The following MSRA variants were observed in gnomAD, a reference collection of about 807,000 sequenced individuals.
The protein encoded by MSRA is methionine sulfoxide reductase A, also known as mitochondrial peptide methionine sulfoxide reductase.
In MSRA, 54 loss-of-function variants were observed where a neutral mutation model predicts 31.3. That is an observed-to-expected ratio of 1.73 (90% confidence interval 1.39 to 2.17). The LOEUF is 2.17. Among genes scored for constraint, MSRA ranks in the 30% most tolerant of loss-of-function variants. The pLI is 0.00. For missense variants in MSRA, 507 were observed against 300.9 expected (o/e 1.69, Z -5.07); for synonymous variants, 169 against 116.5 (o/e 1.45, Z -2.90).
intron 5 of MSRA, among the ~76,000 whole-genome samples, chr8:10,335,655 C>T (rs1802994949): frequency 6.6e-6 from 1 of 152,182 alleles, no homozygotes; most frequent in Admixed American, 6.5e-5. Context: ...CTCTCTTCGG[C>T]TGGCGACTTG....
chr8:10,291,755 G>A (rs754217597), intron 3 of MSRA, among the ~76,000 whole-genome samples: 1 of 152,038 alleles, frequency 6.6e-6, no homozygotes, highest in Non-Finnish European at 1.5e-5. Context: ...TGGCTGGCAG[G>A]GAAAGGATGA....
intron 3 of MSRA, among the ~76,000 whole-genome samples, chr8:10,283,198 A>G (rs1186815254): frequency 8.6e-6 from 1 of 116,286 alleles, no homozygotes; most frequent in Admixed American, 8.6e-5. Context: ...GGTTTGTTGC[A>G]GAAGTTACCA....
At chr8:10,287,213 T>TA (rs1799983600) in intron 3 of MSRA, among the ~76,000 whole-genome samples, 1 of 152,218 alleles carries the variant, frequency 6.6e-6, no homozygotes, top group Non-Finnish European at 1.5e-5. Flanking sequence ...ATTTAGTAGT[T>TA]ACCATTAGCT....
chr8:10,287,245 C>A (rs1799985685), intron 3 of MSRA, among the ~76,000 whole-genome samples: 1 of 152,124 alleles, frequency 6.6e-6, no homozygotes, highest in Non-Finnish European at 1.5e-5. Flanking sequence ...GGGGAGAAAG[C>A]ATGAAATTAT....
At chr8:10,425,956 C>T (rs78325426) in intron 5 of MSRA, among the ~76,000 whole-genome samples, 4,265 of 152,326 alleles carry the variant, frequency 0.028, 124 homozygotes, top group Middle Eastern at 0.1. Context: ...CTTCTCCAAA[C>T]TCTCTGGTGC....
rs143358110 is a variant in MSRA at position 10,292,193 on chromosome 8, A to G, written c.332-9341A>G. Among the ~76,000 whole-genome samples the G allele has an allele frequency of 3.3e-3, 509 of 152,332 alleles. 1 individual carries two copies. The highest frequency in any genetic ancestry group is 0.014 in the Middle Eastern group (4 of 294). Reference sequence around the variant, plus strand: ...GGTTGGAGTCCAGTGTGCATGTGGGATTCCATCTAGGGACTGGTCATTGGC... The same window carrying G: ...GGTTGGAGTCCAGTGTGCATGTGGGGTTCCATCTAGGGACTGGTCATTGGC... On this transcript the variant is annotated intron_variant, in intron 3 of 5. Transcript: ENST00000317173.
At chr8:10,412,632 G>A (rs1386117125) in intron 5 of MSRA, among the ~76,000 whole-genome samples, 1 of 152,110 alleles carries the variant, frequency 6.6e-6, no homozygotes, top group African/African-American at 2.4e-5. Flanking sequence ...AAATGGACAC[G>A]AGATTAGAAC....
intron 5 of MSRA, among the ~76,000 whole-genome samples, chr8:10,417,021 C>G (rs1169139958): frequency 6.6e-6 from 1 of 152,214 alleles, no homozygotes; most frequent in Non-Finnish European, 1.5e-5. Flanking sequence ...AGCTGTGTGA[C>G]AAACCTGCAG....
chr8:10,285,422 A>G (rs1210698803), intron 3 of MSRA, among the ~76,000 whole-genome samples: 1 of 152,218 alleles, frequency 6.6e-6, no homozygotes, highest in African/African-American at 2.4e-5. Context: ...ATACATGTAT[A>G]CAATGTGTAA....
chr8:10,180,041 C>T (rs954037703), intron 1 of MSRA, among the ~76,000 whole-genome samples: 1 of 152,176 alleles, frequency 6.6e-6, no homozygotes, highest in South Asian at 2.1e-4. Context: ...CTGGCATTAA[C>T]GACCTGGAAT....
intron 4 of MSRA, among the ~76,000 whole-genome samples, chr8:10,304,990 A>C (rs947231986): frequency 1.3e-5 from 2 of 152,250 alleles, no homozygotes; most frequent in Non-Finnish European, 2.9e-5. Context: ...TAGAAGTTGA[A>C]AAGTCATTGA....
At chr8:10,212,363 G>T (rs1022411280) in intron 2 of MSRA, among the ~76,000 whole-genome samples, 1 of 152,102 alleles carries the variant, frequency 6.6e-6, no homozygotes, top group African/African-American at 2.4e-5. Context: ...TAACGAGGTT[G>T]TATATTATAA....
chr8:10,245,077 CTTT>C (rs745827849), intron 2 of MSRA, 24 bp from the exon 3 acceptor site: 1 of 1,586,592 alleles, frequency 6.3e-7, no homozygotes, highest in Admixed American at 1.7e-5. Flanking sequence ...AATCAGTATC[CTTT>C]TTTTTTCTTT....
At chr8:10,347,118 G>A (rs4840479) in intron 5 of MSRA, among the ~76,000 whole-genome samples, 28,403 of 152,100 alleles carry the variant, frequency 0.19, 3,576 homozygotes, top group Non-Finnish European at 0.28. Context: ...AGTCATTACT[G>A]GTTCGTTTTC....
At chr8:10,256,102 A>G (rs1388674103) in intron 3 of MSRA, among the ~76,000 whole-genome samples, 1 of 152,070 alleles carries the variant, frequency 6.6e-6, no homozygotes, top group African/African-American at 2.4e-5. Flanking sequence ...TCACTGCCCT[A>G]AAATTCTCTG....
intron 5 of MSRA, among the ~76,000 whole-genome samples, chr8:10,338,338 A>G (rs1803191893): frequency 6.6e-6 from 1 of 152,210 alleles, no homozygotes; most frequent in Non-Finnish European, 1.5e-5. Flanking sequence ...GCCAGAGGCC[A>G]GGGTGGAGTG....
intron 1 of MSRA, among the ~76,000 whole-genome samples, chr8:10,181,340 C>G (rs1806518124): frequency 6.6e-6 from 1 of 151,700 alleles, no homozygotes; most frequent in African/African-American, 2.4e-5. Flanking sequence ...CCAGCAAGTG[C>G]AAACACCCTG....
Position 10,301,644 on chromosome 8 carries a change from GTGA to G in MSRA, c.436+10_436+12del. On this transcript the variant is annotated splice_region_variant and intron_variant, in intron 4 of 5. Coordinates refer to ENST00000317173, the MANE Select transcript of MSRA (RefSeq NM_012331.5). Reference sequence around the variant, plus strand: ...GAATCACGACCCGACCCAAGGTAGAGTGATGAGTGAGCCAGTATTTAATTATCT... The same window carrying G: ...GAATCACGACCCGACCCAAGGTAGAGTGAGTGAGCCAGTATTTAATTATCT... 1 of 1,603,414 alleles carries G rather than the reference GTGA, an allele frequency of 6.2e-7. No individual in the cohort carries two copies. The highest frequency in any genetic ancestry group is 1.3e-5 in the African/African-American group (1 of 74,776).
At chr8:10,420,310 T>G (rs1421078094) in intron 5 of MSRA, among the ~76,000 whole-genome samples, 2 of 151,348 alleles carry the variant, frequency 1.3e-5, no homozygotes, top group Admixed American at 6.6e-5. Flanking sequence ...TTGTTTTTTT[T>G]TTTTTCCTAT....
Sources: allele counts gnomAD v4.1 joint callset (sites outside exome capture counted in the v4.1 genomes callset), GRCh38; gene constraint gnomAD v4.1.1; transcripts MANE v1.5; gene names NCBI Gene and HGNC (gene_info 2026-07-23, HGNC 2026-07-21).